Variants in SIPA1L1 observed in about 807,000 individuals in gnomAD.
The protein encoded by SIPA1L1 is signal-induced proliferation-associated 1-like protein 1.
In SIPA1L1, 26 loss-of-function variants were observed where a neutral mutation model predicts 162.7. The ratio of observed to expected loss-of-function variants is 0.16; its 90% CI spans 0.12 to 0.22. The LOEUF is 0.22. SIPA1L1 is among the 10% of genes least tolerant of loss of function. SIPA1L1 has a pLI of 1.00. For synonymous variants in SIPA1L1, 829 were observed against 837.4 expected, an observed-to-expected ratio of 0.99 and a Z score of 0.17; for missense variants, 1,874 against 2,241.0, an observed-to-expected ratio of 0.84 and a Z score of 3.31.
intron 7 of SIPA1L1, among the ~76,000 whole-genome samples, chr14:71,629,872 T>C (rs183347625): frequency 1.5e-3 from 232 of 152,310 alleles, no homozygotes; most frequent in Non-Finnish European, 2.1e-3. Context: ...AAATGAGCAA[T>C]GTTTATGTGG....
At chr14:71,502,483 T>C (rs1420355747) in intron 2 of SIPA1L1, among the ~76,000 whole-genome samples, 1 of 151,380 alleles carries the variant, frequency 6.6e-6, no homozygotes, top group East Asian at 1.9e-4. Context: ...ACTCCTGGCC[T>C]CAAGTGATCC....
At chr14:71,531,869 G>T (rs976155400) in intron 4 of SIPA1L1, among the ~76,000 whole-genome samples, 2 of 152,134 alleles carry the variant, frequency 1.3e-5, no homozygotes, top group Non-Finnish European at 2.9e-5. Context: ...ACTATTGGGG[G>T]AGTCCTGTTA....
intron 2 of SIPA1L1, among the ~76,000 whole-genome samples, chr14:71,512,186 T>C (rs1487887447): frequency 6.6e-6 from 1 of 152,122 alleles, no homozygotes; most frequent in Non-Finnish European, 1.5e-5. Flanking sequence ...GGATCTAAGC[T>C]ATGAGGACTA....
At chr14:71,704,212 T>C (rs2082285967) in intron 15 of SIPA1L1, among the ~76,000 whole-genome samples, 1 of 152,236 alleles carries the variant, frequency 6.6e-6, no homozygotes, top group Non-Finnish European at 1.5e-5. Flanking sequence ...AAGGCTTAGC[T>C]GGTATAAGCC....
At chr14:71,688,860 C>T (rs1428601085) in intron 13 of SIPA1L1, among the ~76,000 whole-genome samples, 1 of 152,136 alleles carries the variant, frequency 6.6e-6, no homozygotes, top group African/African-American at 2.4e-5. Flanking sequence ...TTGTTCATTC[C>T]ATTCATTTTT....
chr14:71,681,684 G>A (rs1234690364), intron 12 of SIPA1L1, among the ~76,000 whole-genome samples: 2 of 152,136 alleles, frequency 1.3e-5, no homozygotes, highest in Non-Finnish European at 2.9e-5. Context: ...GAGTCACATG[G>A]CTTATAGGGA....
At chr14:71,325,688 C>T (rs1350834429) in intron 2 of SIPA1L1, among the ~76,000 whole-genome samples, 4 of 152,120 alleles carry the variant, frequency 2.6e-5, no homozygotes, top group South Asian at 2.1e-4. Context: ...TTAGCTGGCC[C>T]GTAGTAAGTA....
rs551069299 is a variant in SIPA1L1 at position 71,643,495 on chromosome 14, T to C, written c.1819-6840T>C. On this transcript the variant is annotated intron_variant, in intron 7 of 23. Coordinates refer to ENST00000381232, the MANE Select transcript of SIPA1L1 (RefSeq NM_001386936.1). ...AAAATGTTATTTTTAAATAAAATGA[T>C]TACATTTTACATGTTAATATAAGTA... Among the ~76,000 whole-genome samples, 61 of 152,330 alleles carry C rather than the reference T, an allele frequency of 4.0e-4. 2 individuals are homozygous for C. In the South Asian group the frequency reaches 0.012, roughly 31 times the overall value.
intron 7 of SIPA1L1, among the ~76,000 whole-genome samples, chr14:71,641,604 T>C (rs1161832231): frequency 3.3e-5 from 5 of 152,176 alleles, no homozygotes; most frequent in Admixed American, 6.5e-5. Flanking sequence ...GTTCCTGTAG[T>C]ACCAGCTACT....
intron 4 of SIPA1L1, 78 bp downstream of exon 4, chr14:71,529,448 A>G: frequency 3.5e-6 from 2 of 579,208 alleles, no homozygotes; most frequent in South Asian, 4.2e-5. Flanking sequence ...TTCTGATTAG[A>G]GAAATGAAAA....
At chr14:71,388,254 A>G (rs1375389894) in intron 2 of SIPA1L1, among the ~76,000 whole-genome samples, 2 of 152,258 alleles carry the variant, frequency 1.3e-5, no homozygotes, top group South Asian at 2.1e-4. Context: ...AAATTATTCA[A>G]TAAAAGATAC....
intron 4 of SIPA1L1, among the ~76,000 whole-genome samples, chr14:71,548,193 ATTTC>A (rs1192460768): frequency 3.3e-5 from 5 of 152,224 alleles, no homozygotes. Flanking sequence ...TGAATTATGT[ATTTC>A]TTTCAGGCAA....
At chr14:71,466,697 A>G (rs1362236551) in intron 2 of SIPA1L1, among the ~76,000 whole-genome samples, 1 of 152,152 alleles carries the variant, frequency 6.6e-6, no homozygotes, top group African/African-American at 2.4e-5. Flanking sequence ...TGCATTATGA[A>G]CTAAATACAT....
chr14:71,372,546 C>T (rs905572499), intron 2 of SIPA1L1, among the ~76,000 whole-genome samples: 1 of 151,740 alleles, frequency 6.6e-6, no homozygotes, highest in Non-Finnish European at 1.5e-5. Flanking sequence ...TACATTCTGT[C>T]CTAGTGACTA....
intron 5 of SIPA1L1, among the ~76,000 whole-genome samples, chr14:71,618,091 G>A (rs886857478): frequency 1.3e-5 from 2 of 152,208 alleles, no homozygotes; most frequent in Admixed American, 6.5e-5. Flanking sequence ...TAGGCAAAAG[G>A]CCAGAACATT....
intron 4 of SIPA1L1, among the ~76,000 whole-genome samples, chr14:71,542,782 T>C (rs561047415): frequency 6.9e-6 from 1 of 145,166 alleles, no homozygotes; most frequent in Non-Finnish European, 1.5e-5. Context: ...ACAGTCTTGC[T>C]ATGTTGCCCA....
At chr14:71,356,233 T>A (rs374111750) in intron 2 of SIPA1L1, among the ~76,000 whole-genome samples, 6 of 152,126 alleles carry the variant, frequency 3.9e-5, no homozygotes, top group African/African-American at 9.7e-5. Context: ...TTTCTTTTTT[T>A]AAATTCTATA....
chr14:71,341,357 A>G lies in SIPA1L1; in HGVS notation c.-465+20176A>G, dbSNP rs559053173. ...AATGCTTTCTTTTTCATCTTGCAGC[A>G]TGGATTGTGCAATTGTCATCTTGTC... On this transcript the variant is annotated intron_variant, in intron 2 of 23. Transcript: ENST00000381232. 6.6e-5 allele frequency among the ~76,000 whole-genome samples: 10 copies of G among 152,322 alleles called. No homozygotes were observed. In the East Asian group the frequency reaches 1.7e-3, roughly 26 times the overall value.
chr14:71,568,176 G>A (rs1380212873), intron 4 of SIPA1L1, among the ~76,000 whole-genome samples: 2 of 152,046 alleles, frequency 1.3e-5, no homozygotes, highest in Non-Finnish European at 2.9e-5. Context: ...CAGCCCATAG[G>A]TGTCAGTCTC....
Sources: gnomAD v4.1 joint callset for allele counts (sites outside exome capture counted in the v4.1 genomes callset) on GRCh38, gnomAD v4.1.1 for gene constraint, MANE v1.5 for transcripts, NCBI Gene and HGNC (gene_info 2026-07-23, HGNC 2026-07-21) for gene names.